The following WNK3 variants were observed in gnomAD, a reference collection of about 807,000 sequenced individuals.
WNK3 encodes serine/threonine-protein kinase WNK3.
In WNK3, 18 loss-of-function variants were observed where a neutral mutation model predicts 116.7. That is an observed-to-expected ratio of 0.15 (90% CI 0.11 to 0.23). The LOEUF (loss-of-function observed/expected upper bound fraction) is 0.23. Among genes scored for constraint, WNK3 ranks in the 10% least tolerant of loss-of-function variants. The pLI is 1.00. For synonymous variants in WNK3, 404 were observed against 469.4 expected, an observed-to-expected ratio of 0.86 and a Z score of 1.80; for missense variants, 993 against 1,323.8, an observed-to-expected ratio of 0.75 and a Z score of 3.88.
chrX:54,237,085 T>C (rs1055881340), exon 20 of WNK3: 1 of 1,212,102 alleles, frequency 8.3e-7, no homozygotes, highest in South Asian at 1.8e-5. Context: ...TAAGCACTGA[T>C]TACTCTCTGG....
chrX:54,244,528 T>C (rs1235949890), intron 17 of WNK3, among the ~76,000 whole-genome samples: 1 of 111,908 alleles, frequency 8.9e-6, no homozygotes, highest in African/African-American at 3.2e-5. Flanking sequence ...AAGTATTACA[T>C]TGTGAAAGGA....
intron 22 of WNK3, among the ~76,000 whole-genome samples, chrX:54,216,292 AATATATAT>A (rs782332737): frequency 2.2e-4 from 22 of 99,115 alleles, no homozygotes; most frequent in Non-Finnish European, 3.2e-4. Flanking sequence ...TAAATACTAA[AATATATAT>A]ATATATATAT....
chrX:54,333,569 T>C, exon 2 of WNK3: 1 of 1,209,295 alleles, frequency 8.3e-7, no homozygotes, highest in East Asian at 3.0e-5. Context: ...GTCTAGCTTC[T>C]ACTGTCAAAG....
At chrX:54,275,012 T>TA (rs142853353) in intron 10 of WNK3, among the ~76,000 whole-genome samples, 702 of 39,925 alleles carry the variant, frequency 0.018, 10 homozygotes, top group Non-Finnish European at 0.03. Flanking sequence ...CCCTGTCACA[T>TA]AAAAAAAAAA....
chrX:54,235,354 C>T (rs1306462548), intron 20 of WNK3, among the ~76,000 whole-genome samples: 3 of 111,851 alleles, frequency 2.7e-5, no homozygotes, highest in East Asian at 2.8e-4. Context: ...GGTGCGATCT[C>T]GACTCACTGC....
chrX:54,341,989 T>C (rs188662891), intron 1 of WNK3, among the ~76,000 whole-genome samples: 38 of 112,386 alleles, frequency 3.4e-4, no homozygotes, highest in African/African-American at 1.2e-3. Flanking sequence ...GGCCAGTGGC[T>C]AACACCTGTA....
intron 13 of WNK3, among the ~76,000 whole-genome samples, chrX:54,252,695 GA>G (rs2068148499): frequency 9.2e-6 from 1 of 108,557 alleles, no homozygotes; most frequent in Non-Finnish European, 1.9e-5. Flanking sequence ...AAATAGCTCG[GA>G]AGACCACTAA....
chrX:54,243,415 C>T (rs1169208795), intron 17 of WNK3, among the ~76,000 whole-genome samples: 3 of 80,947 alleles, frequency 3.7e-5, no homozygotes, highest in Middle Eastern at 6.5e-3. Flanking sequence ...TGCGAGACTC[C>T]GTCTCAAAAA....
At chrX:54,233,177 C>T (rs2067920857) in intron 20 of WNK3, among the ~76,000 whole-genome samples, 157 bp from the exon 21 acceptor site, 1 of 107,814 alleles carries the variant, frequency 9.3e-6, no homozygotes, top group Admixed American at 1.0e-4. Context: ...ATAATCCCAG[C>T]ACTTTGGGAA....
At chrX:54,297,526 G>A (rs1469274218) in intron 7 of WNK3, among the ~76,000 whole-genome samples, 4 of 107,214 alleles carry the variant, frequency 3.7e-5, no homozygotes, top group African/African-American at 1.4e-4. Flanking sequence ...GTGGTGAGCC[G>A]AGATTGTGCC....
intron 19 of WNK3, among the ~76,000 whole-genome samples, chrX:54,237,973 T>G (rs1316916835): frequency 4.5e-5 from 5 of 111,575 alleles, no homozygotes; most frequent in African/African-American, 1.6e-4. Context: ...GGCTCATGCT[T>G]GTAATCCCAG....
chrX:54,200,460 G>C (rs1337826242), intron 23 of WNK3, among the ~76,000 whole-genome samples: 2 of 111,264 alleles, frequency 1.8e-5, no homozygotes, highest in Non-Finnish European at 3.8e-5. Flanking sequence ...TAGATATAGG[G>C]TACCTACTAT....
chrX:54,248,824 G>T (rs782321162), exon 17 of WNK3: 1 of 1,211,419 alleles, frequency 8.3e-7, no homozygotes, highest in South Asian at 1.8e-5. Context: ...GAAATTAGGG[G>T]ATTGTACAGG....
At chrX:54,257,259 G>A (rs782733880) in intron 11 of WNK3, among the ~76,000 whole-genome samples, 6 of 110,462 alleles carry the variant, frequency 5.4e-5, no homozygotes, top group Non-Finnish European at 9.5e-5. Context: ...CCCCAGTGCC[G>A]CTGGTAGGAG....
intron 22 of WNK3, among the ~76,000 whole-genome samples, chrX:54,226,251 C>A (rs1557147760): frequency 9.1e-6 from 1 of 109,470 alleles, no homozygotes; most frequent in Non-Finnish European, 1.9e-5. Context: ...GGGTGGAACA[C>A]CTGAGGTCAG....
chrX:54,212,591 CTG>C (rs1270304086), intron 22 of WNK3, among the ~76,000 whole-genome samples: 1 of 112,274 alleles, frequency 8.9e-6, no homozygotes, highest in African/African-American at 3.2e-5. Context: ...GCAAAAGAAA[CTG>C]TACATAAGCA....
chrX:54,253,732 A>C (rs1435498834), intron 13 of WNK3, among the ~76,000 whole-genome samples: 1 of 112,026 alleles, frequency 8.9e-6, no homozygotes, highest in Non-Finnish European at 1.9e-5. Context: ...AGAGCCATTT[A>C]GCTATATTAT....
At chrX:54,238,899 G>A in exon 18 of WNK3, 1 of 1,188,533 alleles carries the variant, frequency 8.4e-7, no homozygotes, top group Non-Finnish European at 1.1e-6. Flanking sequence ...TGAAAAAGCT[G>A]GTTGACTGCC....
chrX:54,358,429 G>C (rs1436919197), upstream of WNK3: 1 of 111,254 alleles, frequency 9.0e-6, no homozygotes, highest in Non-Finnish European at 1.9e-5. Context: ...GGGTCTCCGC[G>C]AGCCTCTGAA....
Sources: gnomAD v4.1 joint callset for allele counts (sites outside exome capture counted in the v4.1 genomes callset) on GRCh38, gnomAD v4.1.1 for gene constraint, MANE v1.5 for transcripts, NCBI Gene and HGNC (gene_info 2026-07-23, HGNC 2026-07-21) for gene names.